Variants in MIPEP observed in about 807,000 individuals in gnomAD.
MIPEP encodes the protein mitochondrial intermediate peptidase.
Under a neutral mutation model 90.3 loss-of-function variants are expected in MIPEP, and 79 were observed. The observed-to-expected ratio is 0.87, with a 90% CI of 0.73 to 1.05. MIPEP has a LOEUF of 1.05. Among genes scored for constraint, MIPEP ranks in the 50% least tolerant of loss-of-function variants. The pLI is 0.00. For synonymous variants in MIPEP, 334 were observed against 315.8 expected (o/e 1.06, Z -0.61); for missense variants, 940 against 905.6 (o/e 1.04, Z -0.49).
At chr13:23,808,257 C>T (rs1953134406) in intron 15 of MIPEP, among the ~76,000 whole-genome samples, 1 of 152,018 alleles carries the variant, frequency 6.6e-6, no homozygotes. Context: ...TGCCACCACG[C>T]CTGGCTAATT....
intron 9 of MIPEP, 42 bp downstream of exon 9, chr13:23,862,260 C>A (rs1260365172): frequency 4.3e-6 from 5 of 1,172,616 alleles, no homozygotes; most frequent in Non-Finnish European, 6.2e-6. Context: ...TTTCAGTTGA[C>A]AGACTGTCTA....
chr13:23,880,635 C>G (rs1486666383), intron 3 of MIPEP, among the ~76,000 whole-genome samples: 1 of 152,168 alleles, frequency 6.6e-6, no homozygotes, highest in Non-Finnish European at 1.5e-5. Flanking sequence ...AAGCTTTCTC[C>G]CAGGGAGTCC....
At chr13:23,778,763 C>T (rs1237265977) in intron 16 of MIPEP, among the ~76,000 whole-genome samples, 3 of 151,884 alleles carry the variant, frequency 2.0e-5, no homozygotes, top group Admixed American at 2.0e-4. Flanking sequence ...TACTGGGTGC[C>T]AGGCACTGGG....
intron 10 of MIPEP, among the ~76,000 whole-genome samples, chr13:23,846,840 TGA>T (rs1869565622): frequency 4.6e-5 from 7 of 152,138 alleles, no homozygotes; most frequent in African/African-American, 1.7e-4. Context: ...ATGATGATGA[TGA>T]TGATGATGAT....
At chr13:23,868,423 G>A (rs1352105763) in intron 7 of MIPEP, among the ~76,000 whole-genome samples, 1 of 152,134 alleles carries the variant, frequency 6.6e-6, no homozygotes, top group Admixed American at 6.5e-5. Flanking sequence ...GGAGAAGAGA[G>A]GAACATGCTA....
chr13:23,887,526 A>G (rs966221652), intron 1 of MIPEP, among the ~76,000 whole-genome samples: 2 of 152,130 alleles, frequency 1.3e-5, no homozygotes, highest in Non-Finnish European at 2.9e-5. Context: ...ACACTTTTCC[A>G]TACTTCTCTA....
At chr13:23,823,450 G>A (rs534176114) in intron 14 of MIPEP, among the ~76,000 whole-genome samples, 95 of 152,304 alleles carry the variant, frequency 6.2e-4, no homozygotes, top group African/African-American at 2.0e-3. Flanking sequence ...CACAGCTTGG[G>A]TGACCACACA....
At chr13:23,742,566 A>G (rs765243287) in intron 18 of MIPEP, among the ~76,000 whole-genome samples, 1 of 152,244 alleles carries the variant, frequency 6.6e-6, no homozygotes, top group Non-Finnish European at 1.5e-5. Context: ...AAGATTTATG[A>G]AAACCTGCTT....
intron 16 of MIPEP, among the ~76,000 whole-genome samples, chr13:23,783,271 T>A (rs892675163): frequency 3.9e-5 from 6 of 152,166 alleles, no homozygotes; most frequent in African/African-American, 7.2e-5. Context: ...GTGGGCTTCA[T>A]CCCTGGGATG....
rs748191671 is a variant in MIPEP, at chr13:23,880,144, T to C, written c.453-790A>G. Among the ~76,000 whole-genome samples, 15 of 152,102 alleles carry C rather than the reference T, an allele frequency of 9.9e-5. No individual in the cohort carries two copies. In the East Asian group the frequency reaches 2.3e-3, roughly 23 times the overall value. ...ACTCAAGGATACTCCTGTTCCTCAG[T>C]TGGTTCACAAAAAAACACTTAAGAT... On this transcript the variant is annotated intron_variant, in intron 3 of 18. Transcript: ENST00000382172.
Position 23,855,530 on chromosome 13 carries a change from G to A in MIPEP, c.1106+3330C>T, listed in dbSNP as rs1271875714. 2.0e-5 allele frequency among the ~76,000 whole-genome samples: 3 copies of A among 152,128 alleles called. No individual in the cohort carries two copies. The East Asian group carries it at 5.8e-4, about 29-fold the overall frequency. ...ACATTTAAGTCTTTACTTGAAAGGT[G>A]ATGAATTTAACAAGGATTTAGAAAT... On this transcript the variant is annotated intron_variant, in intron 10 of 18. Transcript: ENST00000382172.
intron 18 of MIPEP, among the ~76,000 whole-genome samples, chr13:23,742,328 AAG>A (rs1217547551): frequency 6.6e-6 from 1 of 152,220 alleles, no homozygotes; most frequent in Non-Finnish European, 1.5e-5. Flanking sequence ...AGGGTTTAGT[AAG>A]AGATTACCCT....
At chr13:23,811,876 C>G (rs1265454962) in intron 14 of MIPEP, among the ~76,000 whole-genome samples, 1 of 152,118 alleles carries the variant, frequency 6.6e-6, no homozygotes, top group Non-Finnish European at 1.5e-5. Context: ...TTTAAAAACT[C>G]TAGCCTCCAA....
chr13:23,767,072 C>G (rs1488990294), intron 16 of MIPEP, among the ~76,000 whole-genome samples: 2 of 152,166 alleles, frequency 1.3e-5, no homozygotes, highest in African/African-American at 4.8e-5. Flanking sequence ...AGCCTAGAGC[C>G]AACCGGTAAG....
chr13:23,874,300 T>A (rs142111466), intron 5 of MIPEP, among the ~76,000 whole-genome samples: 1 of 152,238 alleles, frequency 6.6e-6, no homozygotes, highest in African/African-American at 2.4e-5. Flanking sequence ...GTGGCCAGTG[T>A]TAGAAATTTT....
intron 16 of MIPEP, 113 bp from the exon 17 acceptor site, chr13:23,760,330 A>AT: frequency 2.2e-6 from 3 of 1,390,144 alleles, no homozygotes; most frequent in Non-Finnish European, 3.0e-6. Flanking sequence ...TTTCATTTGC[A>AT]TTTTACCCTA....
intron 2 of MIPEP, among the ~76,000 whole-genome samples, chr13:23,883,959 C>T (rs1871364988): frequency 6.6e-6 from 1 of 152,132 alleles, no homozygotes; most frequent in Non-Finnish European, 1.5e-5. Context: ...AAACCCTTTA[C>T]AGTAAGATAC....
chr13:23,887,085 T>A (rs1426415442), intron 1 of MIPEP, among the ~76,000 whole-genome samples: 1 of 152,106 alleles, frequency 6.6e-6, no homozygotes, highest in African/African-American at 2.4e-5. Context: ...TCTATAACTA[T>A]CAAATAGGGA....
At chr13:23,787,747 C>A (rs554277915) in intron 16 of MIPEP, among the ~76,000 whole-genome samples, 9 of 152,258 alleles carry the variant, frequency 5.9e-5, no homozygotes, top group Admixed American at 2.0e-4. Context: ...TTTTCCGAGG[C>A]AAGTGAGTTT....
Sources: allele counts gnomAD v4.1 joint callset (sites outside exome capture counted in the v4.1 genomes callset), GRCh38; gene constraint gnomAD v4.1.1; transcripts MANE v1.5; gene names NCBI Gene and HGNC (gene_info 2026-07-23, HGNC 2026-07-21).